The following TOR2A variants were observed in gnomAD, a reference collection of about 807,000 sequenced individuals.
TOR2A encodes the protein prosalusin.
Under a neutral mutation model 28.6 loss-of-function variants are expected in TOR2A, and 24 were observed. The observed-to-expected ratio is 0.84, with a 90% CI of 0.61 to 1.18. TOR2A has a LOEUF of 1.18. Ranked by LOEUF, TOR2A falls within the 50% of genes most tolerant of loss-of-function variation. The probability of loss-of-function intolerance (pLI) is 0.00; values close to 1 mark genes in which losing one functional copy is unlikely to be tolerated. For missense variants in TOR2A, 426 were observed against 448.1 expected (o/e 0.95, Z 0.45); for synonymous variants, 203 against 203.1 (o/e 1.00, Z 0.00).
chr9:127,735,248 C>T lies in TOR2A; in HGVS notation c.23G>A (p.Cys8Tyr). The T allele has an allele frequency of 7.1e-7, 1 of 1,417,438 alleles. No homozygotes were observed. Among genetic ancestry groups the T allele is most frequent in the Non-Finnish European group, 9.1e-7 (1 of 1,095,674 alleles). The allele number at this position is 1,417,438 out of a possible 1,614,324, so 87.8% of individuals were successfully genotyped here. Residue 8 changes from cysteine to tyrosine, a missense_variant, in exon 1 of 5, where the codon TGC becomes TAC. Transcript: ENST00000373284. ...CCCGAGGAGCGAGCCCCAGGGCCGG[C>T]AGCCGCGCGTCGCAGCCGCCATCCG... MAAATRG[C>Y]RPWGSLLGLL...
At chr9:127,735,082 T>G (rs1043437664) in intron 1 of TOR2A, 38 bp downstream of exon 1, 43 of 1,406,360 alleles carry the variant, frequency 3.1e-5, no homozygotes, top group Non-Finnish European at 3.9e-5. Flanking sequence ...TCTGCCCGCG[T>G]CCGCCCGCCC....
Position 127,732,214 on chromosome 9 carries a change from C to T in TOR2A, c.786G>A (p.Pro262=), listed in dbSNP as rs200540250. 3.6e-4 allele frequency: 579 copies of T among 1,611,106 alleles called. 1 individual carries two copies. In the East Asian group the frequency reaches 0.01, roughly 29 times the overall value. The change falls in exon 5 of 5, where the codon CCG becomes CCA. Residue 262 remains proline, a synonymous_variant. Coordinates refer to ENST00000373284, the MANE Select transcript of TOR2A (RefSeq NM_001085347.3). ...AGTGCCGGACGTGGTGCCGCTGGAG[C>T]GGGAGGAAGGGCACCACTGCGTCTA... ...RLLDAVVPFL[P]LQRHHVRHCV... is the part of the protein sequence containing the mutation.
At position 127,732,679 on chromosome 9, in the gene TOR2A, G is replaced by A. The variant is rs766138297; in HGVS notation, c.606C>T (p.Gly202=). The change falls in exon 4 of 5, where the codon GGC becomes GGT. Residue 202 remains glycine, a synonymous_variant. Transcript: ENST00000373284. ...AIFIFISNTG[G]KQINQVALEA... ...CCAATGCCACCTGGTTGATCTGCTT[G>A]CCACCCGTGTTGCTAAAACCATGGG... 2.0e-5 allele frequency: 32 copies of A among 1,562,968 alleles called. No individual in the cohort carries two copies. The highest frequency in any genetic ancestry group is 4.8e-5 in the East Asian group (2 of 42,100).
In TOR2A at chr9:127,732,027, CAG is replaced by C. The variant is rs1844452053; in HGVS notation, c.*5_*6del. On this transcript the variant is annotated 3_prime_UTR_variant, in exon 5 of 5. Transcript: ENST00000373284. ...CATCAGGGGGGCCGAGGACACCACT[CAG>C]AGAGTCAGAGGAAGAAGGCGATTCG... The C allele has an allele frequency of 1.9e-6, 3 of 1,611,486 alleles. No individual in the cohort carries two copies. Among genetic ancestry groups the C allele is most frequent in the African/African-American group, 1.3e-5 (1 of 74,918 alleles).
At chr9:127,734,881 G>A in intron 1 of TOR2A, 1 of 593,566 alleles carries the variant, frequency 1.7e-6, no homozygotes, top group Non-Finnish European at 2.6e-6. Flanking sequence ...CCATTCCGGG[G>A]AGGCCCAAGA....
At chr9:127,732,782 G>C (rs1486398029) in intron 3 of TOR2A, 91 bp from the exon 4 acceptor site, 3 of 1,500,522 alleles carry the variant, frequency 2.0e-6, no homozygotes, top group African/African-American at 1.4e-5. Context: ...ACCTGACATA[G>C]GAACATGGCT....
chr9:127,731,659 C>G lies in TOR2A; in HGVS notation c.*375G>C. 1 of 906,854 alleles carries G rather than the reference C, an allele frequency of 1.1e-6. No individual in the cohort carries two copies. The highest frequency in any genetic ancestry group is 1.6e-6 in the Non-Finnish European group (1 of 634,126). The allele number at this position is 906,854 out of a possible 1,614,324, so 56.2% of individuals were successfully genotyped here. ...GGCTCCACCTGGCTTGATATGGACACAGGGTGTGGGGTGGAGGGGAGGAGG... is the reference window on the plus strand; with the variant it reads ...GGCTCCACCTGGCTTGATATGGACAGAGGGTGTGGGGTGGAGGGGAGGAGG... On this transcript the variant is annotated 3_prime_UTR_variant, in exon 5 of 5. Coordinates refer to ENST00000373284, the MANE Select transcript of TOR2A (RefSeq NM_001085347.3).
Position 127,734,471 on chromosome 9 carries a change from G to C in TOR2A, c.245C>G (p.Ala82Gly). The change falls in exon 2 of 5, where the codon GCC becomes GGC. Residue 82 changes from alanine to glycine, a missense_variant. By Grantham distance (60) the Ala-to-Gly change is moderately conservative. Transcript: ENST00000373284. The stretch of plus-strand genomic sequence containing the variant: ...GGAGAGGACCAGCGGCTTGGTGGGG[G>C]CTGGGTCCCGCACAAAGGCCTTCAG... ...KALKAFVRDP[A>G]PTKPLVLSLH... 1 of 1,604,040 alleles carries C rather than the reference G, an allele frequency of 6.2e-7. No homozygotes were observed. The highest frequency in any genetic ancestry group is 2.2e-5 in the East Asian group (1 of 44,506).
intron 3 of TOR2A, 160 bp from the exon 4 acceptor site, chr9:127,732,851 A>G: frequency 7.0e-7 from 1 of 1,435,326 alleles, no homozygotes. Context: ...CATGGTGTCC[A>G]CATCCATGGC....
intron 2 of TOR2A, chr9:127,733,829 A>C: frequency 2.0e-6 from 1 of 502,292 alleles, no homozygotes; most frequent in East Asian, 3.3e-5. Context: ...GCTTTCTATA[A>C]AAGGGGAAGG....
At chr9:127,733,913 TCAA>T (rs1487668773) in intron 2 of TOR2A, 2 of 406,000 alleles carry the variant, frequency 4.9e-6, no homozygotes, top group African/African-American at 4.1e-5. Context: ...TACCCTGCAA[TCAA>T]CAACAGTAGT....
In TOR2A at chr9:127,734,329, G is replaced by A. The variant is rs762402993; in HGVS notation, c.387C>T (p.Phe129=). ...AGCGCTCGATGTGGCTGGGGTGGGG[G>A]AAGTGGAGGACGGGAGAAAAGTGGT... is the stretch of plus-strand genomic sequence containing the variant. ...RVHHFSPVLH[F]PHPSHIERYK... The change falls in exon 2 of 5, where the codon TTC becomes TTT. Residue 129 remains phenylalanine, a synonymous_variant. Coordinates refer to ENST00000373284, the MANE Select transcript of TOR2A (RefSeq NM_001085347.3). The A allele has an allele frequency of 3.1e-6, 5 of 1,604,256 alleles. No individual in the cohort carries two copies. Among genetic ancestry groups the A allele is most frequent in the African/African-American group, 2.7e-5 (2 of 74,764 alleles).
intron 3 of TOR2A, chr9:127,733,023 T>G (rs1020105652): frequency 4.3e-6 from 6 of 1,399,516 alleles, no homozygotes; most frequent in Non-Finnish European, 5.6e-6. Context: ...GGCGGAGCCA[T>G]GCTGCCTGAG....
intron 1 of TOR2A, chr9:127,734,842 C>T: frequency 3.8e-6 from 2 of 520,108 alleles, no homozygotes; most frequent in Non-Finnish European, 6.3e-6. Flanking sequence ...ATCCCCAAGG[C>T]GCACTGCACT....
rs764627390 is a variant in TOR2A, at chr9:127,734,439, C to T, written c.277G>A (p.Gly93Ser). Reference protein sequence around the residue: ...PTKPLVLSLHGWTGTGKSYVS... With the variant: ...PTKPLVLSLHSWTGTGKSYVS... Reference sequence around the variant, plus strand: ...TAGGATTTGCCGGTGCCGGTCCAGCCGTGCAGGGAGAGGACCAGCGGCTTG... The same window carrying T: ...TAGGATTTGCCGGTGCCGGTCCAGCTGTGCAGGGAGAGGACCAGCGGCTTG... Residue 93 changes from glycine to serine, a missense_variant, in exon 2 of 5, where the codon GGC becomes AGC. By Grantham distance (56) the Gly-to-Ser change is moderately conservative (BLOSUM62 0). Coordinates refer to ENST00000373284, the MANE Select transcript of TOR2A (RefSeq NM_001085347.3). 4 of 1,611,880 alleles carry T rather than the reference C, an allele frequency of 2.5e-6. No individual in the cohort carries two copies. The highest frequency in any genetic ancestry group is 1.1e-5 in the South Asian group (1 of 90,992).
Position 127,733,422 on chromosome 9 carries a change from C to G in TOR2A, c.556G>C (p.Gly186Arg), listed in dbSNP as rs780743987. 1.9e-6 allele frequency: 3 copies of G among 1,613,814 alleles called. No individual in the cohort carries two copies. Among genetic ancestry groups the G allele is most frequent in the Non-Finnish European group, 2.5e-6 (3 of 1,179,998 alleles). The change falls in exon 3 of 5, where the codon GGG becomes CGG. Residue 186 changes from glycine to arginine, a missense_variant. By Grantham distance (125) the Gly-to-Arg change is moderately radical. Coordinates refer to ENST00000373284, the MANE Select transcript of TOR2A (RefSeq NM_001085347.3). The stretch of plus-strand genomic sequence containing the variant: ...AAGATGGCTTTGCGGTAATTGGTCC[C>G]GTATACCACCCAGGAGGAGCCCAGG... Reference protein sequence around the residue: ...PFLGSSWVVYGTNYRKAIFIF... With the variant: ...PFLGSSWVVYRTNYRKAIFIF...
rs1357803191 is a variant in TOR2A at position 127,734,459 on chromosome 9, G to A, written c.257C>T (p.Pro86Leu). Reference protein sequence around the residue: ...AFVRDPAPTKPLVLSLHGWTG... With the variant: ...AFVRDPAPTKLLVLSLHGWTG... Reference sequence around the variant, plus strand: ...CCAGCCGTGCAGGGAGAGGACCAGCGGCTTGGTGGGGGCTGGGTCCCGCAC... The same window carrying A: ...CCAGCCGTGCAGGGAGAGGACCAGCAGCTTGGTGGGGGCTGGGTCCCGCAC... The change falls in exon 2 of 5, where the codon CCG becomes CTG. Residue 86 changes from proline to leucine, a missense_variant. Coordinates refer to ENST00000373284, the MANE Select transcript of TOR2A (RefSeq NM_001085347.3). The A allele has an allele frequency of 3.7e-6, 6 of 1,608,822 alleles. No homozygotes were observed. The South Asian group carries it at 5.5e-5, about 15-fold the overall frequency.
chr9:127,733,662 G>C, intron 2 of TOR2A, 102 bp from the exon 3 acceptor site: 1 of 1,089,488 alleles, frequency 9.2e-7, no homozygotes, highest in Non-Finnish European at 1.3e-6. Context: ...GAAGGATGTG[G>C]TCTTCCAGAG....
At position 127,733,425 on chromosome 9, in the gene TOR2A, A is replaced by T; in HGVS notation, c.553T>A (p.Tyr185Asn). The T allele has an allele frequency of 1.2e-6, 2 of 1,613,834 alleles. No individual in the cohort carries two copies. Among genetic ancestry groups the T allele is most frequent in the Non-Finnish European group, 1.7e-6 (2 of 1,179,978 alleles). Residue 185 changes from tyrosine (Y) to asparagine (N), a missense_variant, in exon 3 of 5, where the codon TAC becomes AAC. Tyr to Asn is a moderately radical substitution (Grantham distance 143). Transcript: ENST00000373284. ...RPFLGSSWVV[Y>N]GTNYRKAIFI... is the part of the protein sequence containing the mutation. ...ATGGCTTTGCGGTAATTGGTCCCGT[A>T]TACCACCCAGGAGGAGCCCAGGAAA...
Sources: gnomAD v4.1 joint callset for allele counts on GRCh38, gnomAD v4.1.1 for gene constraint, MANE v1.5 for transcripts, NCBI Gene and HGNC (gene_info 2026-07-23, HGNC 2026-07-21) for gene names.